Variants in TRIM71 observed in about 807,000 individuals in gnomAD.
TRIM71 encodes the protein E3 ubiquitin-protein ligase TRIM71.
A neutral mutation model predicts 61.2 loss-of-function variants in TRIM71; 9 were observed. The observed-to-expected ratio is 0.15, with a 90% CI of 0.09 to 0.26. The LOEUF (loss-of-function observed/expected upper bound fraction) is 0.26. Among genes scored for constraint, TRIM71 ranks in the 10% least tolerant of loss-of-function variants. The pLI, the probability that TRIM71 is intolerant of heterozygous loss-of-function variation, is 1.00. For missense variants in TRIM71, 998 were observed against 1,238.7 expected (o/e 0.81, Z 2.92); for synonymous variants, 645 against 553.2 (o/e 1.17, Z -2.33).
At chr3:32,844,058 T>C (rs1696442115) in intron 1 of TRIM71, among the ~76,000 whole-genome samples, 1 of 152,236 alleles carries the variant, frequency 6.6e-6, no homozygotes, top group Admixed American at 6.5e-5. Flanking sequence ...AAATTATCTG[T>C]AGTGACTGCC....
intron 1 of TRIM71, among the ~76,000 whole-genome samples, chr3:32,853,120 CTTT>C (rs57169750): frequency 0.44 from 42,724 of 96,280 alleles, 7,524 homozygotes; most frequent in Middle Eastern, 0.62. Flanking sequence ...CTCTCTCTCT[CTTT>C]TTTTTTTTTT....
chr3:32,882,759 C>A (rs920619619), intron 2 of TRIM71, among the ~76,000 whole-genome samples: 1 of 152,130 alleles, frequency 6.6e-6, no homozygotes, highest in Admixed American at 6.6e-5. Context: ...CCAGGCTGAT[C>A]TCAAACTCGT....
intron 1 of TRIM71, among the ~76,000 whole-genome samples, chr3:32,860,815 C>T (rs958985730): frequency 5.9e-5 from 9 of 152,184 alleles, no homozygotes; most frequent in Non-Finnish European, 1.2e-4. Flanking sequence ...GTAGAGGTGT[C>T]TGCAGGGTAG....
intron 1 of TRIM71, among the ~76,000 whole-genome samples, chr3:32,836,393 A>G (rs1696333909): frequency 6.6e-6 from 1 of 152,074 alleles, no homozygotes; most frequent in South Asian, 2.1e-4. Flanking sequence ...TCCTGGGCTG[A>G]TATCTTGGGT....
At chr3:32,884,203 G>A (rs1238606111) in intron 2 of TRIM71, among the ~76,000 whole-genome samples, 1 of 152,006 alleles carries the variant, frequency 6.6e-6, no homozygotes, top group African/African-American at 2.4e-5. Flanking sequence ...TGCCTGCCTC[G>A]GCCTCCCAAA....
chr3:32,873,929 C>A lies in TRIM71; in HGVS notation c.964C>A (p.Arg322=). The A allele has an allele frequency of 5.6e-6, 9 of 1,613,846 alleles. No individual in the cohort carries two copies. The highest frequency in any genetic ancestry group is 6.8e-6 in the Non-Finnish European group (8 of 1,179,890). Residue 322 remains arginine (R), a synonymous_variant, in exon 2 of 4, where the codon CGG becomes AGG. Coordinates refer to ENST00000383763, the MANE Select transcript of TRIM71 (RefSeq NM_001039111.3). The part of the protein sequence containing the change: ...IYLQEALQDS[R]ALTIQLLADA... Reference sequence around the variant, plus strand: ...CCTCCAGGAGGCACTGCAGGACTCACGGGCACTCACCATCCAGCTGCTGGC... The same window carrying A: ...CCTCCAGGAGGCACTGCAGGACTCAAGGGCACTCACCATCCAGCTGCTGGC...
Position 32,845,373 on chromosome 3 carries a change from G to GA in TRIM71, c.852+26443dup, listed in dbSNP as rs1254406134. 2.0e-5 allele frequency among the ~76,000 whole-genome samples: 3 copies of GA among 152,316 alleles called. No homozygotes were observed. In the East Asian group the frequency reaches 5.8e-4, roughly 29 times the overall value. ...GAGCCAGGGCAAAAAGGATGAAAGA[G>GA]AAGAAGGTGTTTAGTATATTCAGGA... is the stretch of plus-strand genomic sequence containing the variant. On this transcript the variant is annotated intron_variant, in intron 1 of 3. Transcript: ENST00000383763.
intron 1 of TRIM71, among the ~76,000 whole-genome samples, chr3:32,869,012 GTTTTAA>G (rs1418391932): frequency 6.6e-6 from 1 of 152,174 alleles, no homozygotes; most frequent in Non-Finnish European, 1.5e-5. Context: ...GTAAAGCGTT[GTTTTAA>G]TATTACTTAA....
At chr3:32,883,762 A>T (rs1485189591) in intron 2 of TRIM71, among the ~76,000 whole-genome samples, 1 of 152,338 alleles carries the variant, frequency 6.6e-6, no homozygotes, top group African/African-American at 2.4e-5. Context: ...TATAAAATTT[A>T]TAGATTGTTC....
chr3:32,880,580 G>C (rs1559549956), intron 2 of TRIM71, among the ~76,000 whole-genome samples: 2 of 152,150 alleles, frequency 1.3e-5, no homozygotes, highest in Admixed American at 6.5e-5. Flanking sequence ...GTTAATTCTG[G>C]ATTGTCCTAT....
chr3:32,891,508 C>A lies in TRIM71; in HGVS notation c.2304C>A (p.Asn768Lys). Reference protein sequence around the residue: ...EGHLVVTDFNNHRLLVIHPDC... With the variant: ...EGHLVVTDFNKHRLLVIHPDC... ...ACTTGGTGGTCACTGACTTCAACAA[C>A]CACCGGCTCCTGGTTATTCACCCCG... Residue 768 changes from asparagine (N) to lysine (K), a missense_variant, in exon 4 of 4, where the codon AAC becomes AAA. By Grantham distance (94) the Asn-to-Lys change is moderately conservative (BLOSUM62 0). Around this residue, in one of 5 missense-constraint regions of TRIM71, gnomAD observed 95 missense variants for 159.0 expected, o/e 0.60. Coordinates refer to ENST00000383763, the MANE Select transcript of TRIM71 (RefSeq NM_001039111.3). This position sits in a 1 kb window ranked among gnomAD's most constrained non-coding sequence, Gnocchi z 8.2. The A allele has an allele frequency of 6.2e-7, 1 of 1,613,488 alleles. No homozygotes were observed. Among genetic ancestry groups the A allele is most frequent in the Non-Finnish European group, 8.5e-7 (1 of 1,179,668 alleles).
At chr3:32,821,765 G>A (rs1230508151) in intron 1 of TRIM71, among the ~76,000 whole-genome samples, 5 of 151,494 alleles carry the variant, frequency 3.3e-5, no homozygotes, top group Admixed American at 3.3e-4. Flanking sequence ...CCGCGGGCCC[G>A]CTGCGTGCCG....
chr3:32,827,091 A>G (rs986515362), intron 1 of TRIM71, among the ~76,000 whole-genome samples: 1 of 152,056 alleles, frequency 6.6e-6, no homozygotes, highest in African/African-American at 2.4e-5. Context: ...GTGAAGCTAT[A>G]AATTATCAGT....
At chr3:32,842,031 C>G (rs909847314) in intron 1 of TRIM71, among the ~76,000 whole-genome samples, 49 of 152,268 alleles carry the variant, frequency 3.2e-4, no homozygotes, top group African/African-American at 1.1e-3. Context: ...CTGCTTTGCT[C>G]TAGCACCATA....
intron 1 of TRIM71, among the ~76,000 whole-genome samples, chr3:32,868,756 C>G (rs964784642): frequency 6.6e-6 from 1 of 150,950 alleles, no homozygotes; most frequent in Non-Finnish European, 1.5e-5. Flanking sequence ...TGTTACCTAG[C>G]CAAATAAAAA....
rs769761918 is a variant in TRIM71, at chr3:32,818,797, G to A, written c.717G>A (p.Glu239=). The A allele has an allele frequency of 1.1e-5, 17 of 1,607,980 alleles. No homozygotes were observed. The highest frequency in any genetic ancestry group is 1.0e-4 in the Admixed American group (6 of 59,630). ...GCCTCACCAAGGACCACTACATCGA[G>A]CGCGGCCCGCCGGGTCCCGGTGCCG... is the stretch of plus-strand genomic sequence containing the variant. ...RVRLTKDHYI[E]RGPPGPGAAA... The change falls in exon 1 of 4, where the codon GAG becomes GAA. Residue 239 remains glutamate, a synonymous_variant. Transcript: ENST00000383763.
intron 3 of TRIM71, among the ~76,000 whole-genome samples, chr3:32,888,643 C>T (rs1028838373): frequency 1.3e-5 from 2 of 151,948 alleles, no homozygotes; most frequent in African/African-American, 4.8e-5. Flanking sequence ...TGGGTTCAAG[C>T]GATTCTCCTG....
At chr3:32,860,107 C>A (rs1419448240) in intron 1 of TRIM71, among the ~76,000 whole-genome samples, 1 of 147,598 alleles carries the variant, frequency 6.8e-6, no homozygotes, top group East Asian at 2.0e-4. Flanking sequence ...TCTTCTCTCC[C>A]CTTCCCTCTC....
intron 1 of TRIM71, among the ~76,000 whole-genome samples, chr3:32,847,393 C>T (rs569239572): frequency 1.3e-3 from 192 of 152,188 alleles, no homozygotes; most frequent in African/African-American, 3.7e-3. Flanking sequence ...AGAGGTTTCT[C>T]CACGTTGGTC....
Sources: allele counts gnomAD v4.1 joint callset (sites outside exome capture counted in the v4.1 genomes callset), GRCh38; gene constraint gnomAD v4.1.1; regional missense constraint gnomAD v4.1.1; non-coding constraint Gnocchi (gnomAD v3.1); transcripts MANE v1.5; gene names NCBI Gene and HGNC (gene_info 2026-07-23, HGNC 2026-07-21).